The following GRM8 variants were observed in gnomAD, a reference collection of about 807,000 sequenced individuals.
GRM8 encodes metabotropic glutamate receptor 8.
Under a neutral mutation model 87.2 loss-of-function variants are expected in GRM8, and 47 were observed. The ratio of observed to expected loss-of-function variants is 0.54; its 90% CI spans 0.43 to 0.69. The LOEUF (loss-of-function observed/expected upper bound fraction) is 0.69. GRM8 is among the 30% of genes least tolerant of loss of function. The pLI is 0.00. For synonymous variants in GRM8, 396 were observed against 404.5 expected, an observed-to-expected ratio of 0.98 and a Z score of 0.25; for missense variants, 1,019 against 1,139.2, an observed-to-expected ratio of 0.89 and a Z score of 1.52.
At chr7:126,711,840 C>T (rs577817835) in intron 7 of GRM8, among the ~76,000 whole-genome samples, 3 of 152,350 alleles carry the variant, frequency 2.0e-5, no homozygotes, top group African/African-American at 7.2e-5. Context: ...GCAGCTTCCT[C>T]TCCACTATCA....
At chr7:126,527,744 AT>A (rs532279497) in intron 9 of GRM8, among the ~76,000 whole-genome samples, 1,597 of 152,154 alleles carry the variant, frequency 0.01, 12 homozygotes, top group Non-Finnish European at 0.015. Flanking sequence ...CTCTGATGAT[AT>A]TTTTTTTCTT....
chr7:126,615,002 C>T (rs1799310218), intron 7 of GRM8, among the ~76,000 whole-genome samples: 1 of 152,062 alleles, frequency 6.6e-6, no homozygotes, highest in African/African-American at 2.4e-5. Context: ...GGACAACATT[C>T]AAATTCAGGA....
chr7:127,043,091 C>T (rs191970924), intron 3 of GRM8, among the ~76,000 whole-genome samples: 2 of 152,072 alleles, frequency 1.3e-5, no homozygotes, highest in Non-Finnish European at 2.9e-5. Flanking sequence ...GTTGGAATGG[C>T]GATCATTAAA....
chr7:127,029,029 C>T (rs1049032587), intron 3 of GRM8, among the ~76,000 whole-genome samples: 24 of 152,006 alleles, frequency 1.6e-4, no homozygotes, highest in Non-Finnish European at 1.6e-4. Context: ...GATTCTGGTA[C>T]GTTGTGTCTT....
At chr7:126,465,989 T>A (rs201697488) in intron 9 of GRM8, among the ~76,000 whole-genome samples, 1 of 151,940 alleles carries the variant, frequency 6.6e-6, no homozygotes, top group East Asian at 1.9e-4. Flanking sequence ...TTCTCTTATA[T>A]GCTTAGTTTG....
intron 2 of GRM8, among the ~76,000 whole-genome samples, chr7:127,142,286 T>C (rs961606457): frequency 6.6e-5 from 10 of 152,134 alleles, no homozygotes; most frequent in Non-Finnish European, 1.5e-5. Context: ...CTTATACTAA[T>C]TGACTTATTT....
At chr7:127,175,557 A>G (rs1177846513) in intron 2 of GRM8, among the ~76,000 whole-genome samples, 1 of 152,160 alleles carries the variant, frequency 6.6e-6, no homozygotes, top group East Asian at 1.9e-4. Context: ...ACTGCAGAAA[A>G]CCAACTACAA....
intron 8 of GRM8, among the ~76,000 whole-genome samples, chr7:126,606,828 G>A (rs767008927): frequency 2.0e-4 from 30 of 152,206 alleles, no homozygotes; most frequent in Middle Eastern, 3.4e-3. Flanking sequence ...ACTGTTAAAT[G>A]TACATAAAAG....
intron 2 of GRM8, among the ~76,000 whole-genome samples, chr7:127,238,352 G>A (rs1282105944): frequency 1.3e-5 from 2 of 151,356 alleles, no homozygotes; most frequent in East Asian, 3.9e-4. Flanking sequence ...GGGTACACTA[G>A]TGCATCTAAA....
rs868447198 is a variant in GRM8 at position 127,180,477 on chromosome 7, A to G, written c.510+62218T>C. ...TATTCCACAAGACAGAGAAAGAAGG[A>G]CTCCTCCTTAATTCATCTTCTGAAG... On this transcript the variant is annotated intron_variant, in intron 2 of 10. Transcript: ENST00000339582. 1.4e-4 allele frequency among the ~76,000 whole-genome samples: 21 copies of G among 152,074 alleles called. No homozygotes were observed. The Middle Eastern group carries it at 0.014, about 99-fold the overall frequency.
At chr7:126,582,528 C>A (rs1446023793) in intron 8 of GRM8, among the ~76,000 whole-genome samples, 1 of 152,132 alleles carries the variant, frequency 6.6e-6, no homozygotes, top group Non-Finnish European at 1.5e-5. Context: ...AAGGTGTCTA[C>A]AACAATCAAT....
intron 3 of GRM8, among the ~76,000 whole-genome samples, chr7:126,977,973 G>T (rs1481013481): frequency 1.3e-5 from 2 of 152,152 alleles, no homozygotes; most frequent in East Asian, 1.9e-4. Context: ...AAATTGAAAA[G>T]AAATAGAAGT....
chr7:126,922,630 T>G (rs1322597880), intron 3 of GRM8, among the ~76,000 whole-genome samples: 5 of 151,978 alleles, frequency 3.3e-5, no homozygotes, highest in Non-Finnish European at 7.4e-5. Flanking sequence ...ATTTTTAAGG[T>G]CATTAAGTGG....
intron 9 of GRM8, among the ~76,000 whole-genome samples, chr7:126,520,760 G>A (rs1020743315): frequency 4.6e-5 from 7 of 152,090 alleles, no homozygotes; most frequent in African/African-American, 1.4e-4. Flanking sequence ...GTAATTTGAC[G>A]GCCTTCTTTG....
intron 10 of GRM8, among the ~76,000 whole-genome samples, chr7:126,442,867 G>T (rs1307518060): frequency 6.6e-6 from 1 of 152,016 alleles, no homozygotes; most frequent in Non-Finnish European, 1.5e-5. Flanking sequence ...GAAGTGTAAG[G>T]TTCTGGAATC....
At chr7:126,824,904 T>C (rs1298297101) in intron 6 of GRM8, among the ~76,000 whole-genome samples, 1 of 152,228 alleles carries the variant, frequency 6.6e-6, no homozygotes, top group African/African-American at 2.4e-5. Context: ...GGAGGCTGAA[T>C]GACCATTGGT....
At chr7:126,536,358 T>C (rs948945464) in intron 8 of GRM8, among the ~76,000 whole-genome samples, 21 of 152,212 alleles carry the variant, frequency 1.4e-4, no homozygotes, top group African/African-American at 5.1e-4. Context: ...CTTCAAGCTC[T>C]ATCCTTTTAG....
chr7:126,533,939 T>C, intron 8 of GRM8, 52 bp from the exon 9 acceptor site: 5 of 1,335,630 alleles, frequency 3.7e-6, no homozygotes, highest in Non-Finnish European at 5.2e-6. Flanking sequence ...ATTTATAATA[T>C]CCTAATCCTA....
intron 9 of GRM8, among the ~76,000 whole-genome samples, chr7:126,467,876 T>C (rs1010410836): frequency 2.0e-5 from 3 of 152,064 alleles, no homozygotes; most frequent in Non-Finnish European, 4.4e-5. Context: ...TGATACTCAA[T>C]AAACTTCCAT....
Sources: allele counts gnomAD v4.1 joint callset (sites outside exome capture counted in the v4.1 genomes callset), GRCh38; gene constraint gnomAD v4.1.1; transcripts MANE v1.5; gene names NCBI Gene and HGNC (gene_info 2026-07-23, HGNC 2026-07-21).